The following MBD2 variants were observed in gnomAD, a reference collection of about 807,000 sequenced individuals.
MBD2 encodes methyl-CpG binding domain protein 2.
MBD2 carries 9 observed loss-of-function variants against 39.3 expected under a neutral mutation model. The ratio of observed to expected loss-of-function variants is 0.23; its 90% CI spans 0.14 to 0.40. The LOEUF (loss-of-function observed/expected upper bound fraction) is 0.40. Among genes scored for constraint, MBD2 ranks in the 10% least tolerant of loss-of-function variants. The pLI, the probability that MBD2 is intolerant of heterozygous loss-of-function variation, is 1.00. For missense variants in MBD2, 458 were observed against 532.6 expected (o/e 0.86, Z 1.38); for synonymous variants, 233 against 211.1 (o/e 1.10, Z -0.90).
At chr18:54,206,488 A>G (rs1288790914) in intron 1 of MBD2, among the ~76,000 whole-genome samples, 1 of 152,220 alleles carries the variant, frequency 6.6e-6, no homozygotes, top group Non-Finnish European at 1.5e-5. Flanking sequence ...GACCACAATA[A>G]AAGAAAAATA....
intron 2 of MBD2, among the ~76,000 whole-genome samples, chr18:54,199,993 C>A (rs1016688987): frequency 3.9e-5 from 6 of 152,192 alleles, no homozygotes; most frequent in African/African-American, 1.4e-4. Context: ...CTTTCTAGAT[C>A]ATGTGACTGA....
chr18:54,195,455 G>T (rs1452840068), intron 2 of MBD2, among the ~76,000 whole-genome samples: 1 of 151,952 alleles, frequency 6.6e-6, no homozygotes, highest in Non-Finnish European at 1.5e-5. Context: ...TAATTCTGTG[G>T]TTTTTGCATA....
chr18:54,168,598 T>TATATATATATATATATATATATATATAC (rs1491141841), intron 3 of MBD2, among the ~76,000 whole-genome samples: 7 of 136,060 alleles, frequency 5.1e-5, no homozygotes, highest in African/African-American at 1.5e-4. Flanking sequence ...TATATATATA[T>TATATATATATATATATATATATATATAC]TTATGTATGC....
intron 6 of MBD2, among the ~76,000 whole-genome samples, chr18:54,159,129 C>T (rs2086075743): frequency 6.6e-6 from 1 of 152,074 alleles, no homozygotes; most frequent in South Asian, 2.1e-4. Flanking sequence ...TCTTCTGGGG[C>T]CGTTCCTCCC....
Position 54,224,321 on chromosome 18 carries a change from C to A in MBD2, c.239G>T (p.Arg80Leu). Residue 80 changes from arginine to leucine, a missense_variant, in exon 1 of 7, where the codon CGG (arginine) becomes CTG (leucine). Around this residue, in one of 2 missense-constraint regions of MBD2, gnomAD observed 269 missense variants for 236.0 expected, o/e 1.14. Transcript: ENST00000256429. The part of the protein sequence containing the change: ...GGGVCGRGRG[R>L]GRGRGRGRGR... ...CCGTCCCCGTCCCCGGCCACGGCCC[C>A]GGCCCCGGCCACGGCCACAGACGCC... is the stretch of plus-strand genomic sequence containing the variant. 3 of 990,526 alleles carry A rather than the reference C, an allele frequency of 3.0e-6. No homozygotes were observed. Among genetic ancestry groups the A allele is most frequent in the Non-Finnish European group, 3.6e-6 (3 of 829,764 alleles). The allele number at this position is 990,526 out of a possible 1,614,324, so 61.4% of individuals were successfully genotyped here.
At chr18:54,197,836 T>C (rs2086378129) in intron 2 of MBD2, among the ~76,000 whole-genome samples, 1 of 152,198 alleles carries the variant, frequency 6.6e-6, no homozygotes. Flanking sequence ...TAGAAACCTG[T>C]ACTCAACAGT....
chr18:54,161,712 C>T (rs1568077865), intron 5 of MBD2, among the ~76,000 whole-genome samples: 1 of 152,204 alleles, frequency 6.6e-6, no homozygotes, highest in Non-Finnish European at 1.5e-5. Context: ...TTGCCCATTG[C>T]TGTAGGCAGA....
intron 2 of MBD2, among the ~76,000 whole-genome samples, chr18:54,192,492 A>C (rs572370773): frequency 6.6e-6 from 1 of 152,190 alleles, no homozygotes; most frequent in African/African-American, 2.4e-5. Flanking sequence ...CGGCCTCCCA[A>C]AGTGCTGGGA....
At chr18:54,214,500 A>G (rs1292374817) in intron 1 of MBD2, among the ~76,000 whole-genome samples, 1 of 151,856 alleles carries the variant, frequency 6.6e-6, no homozygotes, top group Non-Finnish European at 1.5e-5. Flanking sequence ...TACCTGACCT[A>G]TGCATAATAT....
At chr18:54,176,736 G>A (rs1325718981) in intron 3 of MBD2, among the ~76,000 whole-genome samples, 1 of 152,158 alleles carries the variant, frequency 6.6e-6, no homozygotes, top group African/African-American at 2.4e-5. Context: ...AAACATCAAA[G>A]ATCAAGTATG....
At chr18:54,156,515 A>G (rs935386440) in intron 6 of MBD2, among the ~76,000 whole-genome samples, 2 of 152,168 alleles carry the variant, frequency 1.3e-5, no homozygotes, top group Non-Finnish European at 2.9e-5. Flanking sequence ...TCACATAAAC[A>G]AGGGTATAGC....
chr18:54,209,297 C>CAAAAAAAA (rs34165824), intron 1 of MBD2, among the ~76,000 whole-genome samples: 2 of 67,628 alleles, frequency 3.0e-5, no homozygotes, highest in Non-Finnish European at 2.7e-5. Flanking sequence ...ACTCCATCTC[C>CAAAAAAAA]AAAAAAAAAA....
intron 2 of MBD2, among the ~76,000 whole-genome samples, chr18:54,189,323 G>A (rs1187398529): frequency 1.3e-5 from 2 of 149,704 alleles, no homozygotes; most frequent in Non-Finnish European, 3.0e-5. Context: ...TCCCGGGTCT[G>A]CTTACGCCAT....
chr18:54,164,439 A>G, intron 5 of MBD2, 84 bp downstream of exon 5: 1 of 1,199,088 alleles, frequency 8.3e-7, no homozygotes, highest in Middle Eastern at 2.2e-4. Flanking sequence ...CACTTACTAG[A>G]TATGCCACTG....
chr18:54,192,595 CT>C (rs1465733191), intron 2 of MBD2, among the ~76,000 whole-genome samples: 1 of 152,160 alleles, frequency 6.6e-6, no homozygotes, highest in Non-Finnish European at 1.5e-5. Context: ...CATGTGTCTA[CT>C]TCAGTAGACA....
At chr18:54,156,126 C>T (rs1163108619) in intron 6 of MBD2, among the ~76,000 whole-genome samples, 1 of 152,296 alleles carries the variant, frequency 6.6e-6, no homozygotes, top group African/African-American at 2.4e-5. Context: ...TAAGTCCTAC[C>T]TATACCACAG....
intron 3 of MBD2, among the ~76,000 whole-genome samples, chr18:54,173,085 G>A (rs1175329396): frequency 6.6e-6 from 1 of 152,150 alleles, no homozygotes; most frequent in Non-Finnish European, 1.5e-5. Flanking sequence ...GTAAGTATTA[G>A]CAAATGAAGA....
chr18:54,200,854 C>T (rs999586613), intron 2 of MBD2, among the ~76,000 whole-genome samples: 5 of 151,876 alleles, frequency 3.3e-5, no homozygotes, highest in South Asian at 2.1e-4. Flanking sequence ...CCGAGGCGGG[C>T]GGATCACGAG....
chr18:54,218,210 C>T (rs1360000682), intron 1 of MBD2, among the ~76,000 whole-genome samples: 1 of 152,152 alleles, frequency 6.6e-6, no homozygotes, highest in African/African-American at 2.4e-5. Flanking sequence ...GAACATTTAT[C>T]AAAGAGAGAA....
Sources: gnomAD v4.1 joint callset for allele counts (sites outside exome capture counted in the v4.1 genomes callset) on GRCh38, gnomAD v4.1.1 for gene constraint, gnomAD v4.1.1 regional missense constraint, MANE v1.5 for transcripts, NCBI Gene and HGNC (gene_info 2026-07-23, HGNC 2026-07-21) for gene names.